Variants in INPPL1 observed in about 807,000 individuals in gnomAD.
INPPL1 encodes the protein phosphatidylinositol 3,4,5-trisphosphate 5-phosphatase 2.
Under a neutral mutation model 139.3 loss-of-function variants are expected in INPPL1, and 91 were observed. That is an observed-to-expected ratio of 0.65 (90% CI 0.55 to 0.78). The LOEUF is 0.78. Ranked by LOEUF, INPPL1 falls within the 30% of genes least tolerant of loss-of-function variation. INPPL1 has a pLI of 0.00. For synonymous variants in INPPL1, 719 were observed against 686.6 expected, an observed-to-expected ratio of 1.05 and a Z score of -0.74; for missense variants, 1,411 against 1,665.6, an observed-to-expected ratio of 0.85 and a Z score of 2.66.
chr11:72,229,641 G>C, intron 6 of INPPL1, 22 bp from the exon 7 acceptor site: 1 of 1,613,462 alleles, frequency 6.2e-7, no homozygotes, highest in Non-Finnish European at 8.5e-7. Flanking sequence ...TCATGTACAA[G>C]CCTGGTTCTT....
Position 72,228,668 on chromosome 11 carries a change from C to A in INPPL1, c.398-59C>A. ...GAAGTCACTTTACAGCTGCATCGTG[C>A]CTCCTACTCCACTGAGTGTGGGAGG... On this transcript the variant is annotated intron_variant, in intron 3 of 27. Coordinates refer to ENST00000298229, the MANE Select transcript of INPPL1 (RefSeq NM_001567.4). This position sits in a 1 kb window ranked among gnomAD's most constrained non-coding sequence, Gnocchi z 5.0. The A allele has an allele frequency of 6.3e-7, 1 of 1,579,692 alleles. No individual in the cohort carries two copies. The highest frequency in any genetic ancestry group is 8.6e-7 in the Non-Finnish European group (1 of 1,160,770).
chr11:72,237,443 C>G lies in INPPL1; in HGVS notation c.3199C>G (p.Pro1067Ala), dbSNP rs772941677. ...PLPDSAIFLP[P>A]SLDPLPGPVV... Reference sequence around the variant, plus strand: ...GCCGGACTCAGCCATCTTCCTGCCCCCCAGCCTGGATCCTTTACCAGGGCC... The same window carrying G: ...GCCGGACTCAGCCATCTTCCTGCCCGCCAGCCTGGATCCTTTACCAGGGCC... Residue 1067 changes from proline (P) to alanine (A), a missense_variant, in exon 26 of 28, where the codon CCC becomes GCC. This residue lies in a region of INPPL1 where 438 missense variants were observed against 425.7 expected (regional missense o/e 1.03). Coordinates refer to ENST00000298229, the MANE Select transcript of INPPL1 (RefSeq NM_001567.4). The G allele has an allele frequency of 1.2e-6, 2 of 1,610,632 alleles. No individual in the cohort carries two copies. Among genetic ancestry groups the G allele is most frequent in the Non-Finnish European group, 8.5e-7 (1 of 1,177,836 alleles).
intron 1 of INPPL1, chr11:72,227,971 GGAGA>G: frequency 5.4e-5 from 27 of 502,624 alleles, no homozygotes; most frequent in South Asian, 1.7e-4. Context: ...GGTCTGGTGG[GGAGA>G]CGGGGGTGTT....
chr11:72,228,797 C>A lies in INPPL1; in HGVS notation c.468C>A (p.Pro156=). 1 of 1,612,920 alleles carries A rather than the reference C, an allele frequency of 6.2e-7. No homozygotes were observed. Among genetic ancestry groups the A allele is most frequent in the Non-Finnish European group, 8.5e-7 (1 of 1,179,428 alleles). ...GSTSISAPTG[P]SSPLPAPETP... is the part of the protein sequence containing the mutation. ...CCAGCATTTCTGCCCCCACTGGGCC[C>A]AGCAGTCCCCTGCCAGCTCCTGAGA... Residue 156 remains proline (P), a synonymous_variant, in exon 4 of 28, where the codon CCC becomes CCA. Coordinates refer to ENST00000298229, the MANE Select transcript of INPPL1 (RefSeq NM_001567.4). The surrounding 1 kb of genome is among the most constrained non-coding windows in gnomAD (Gnocchi z 5.0).
intron 5 of INPPL1, 21 bp downstream of exon 5, chr11:72,229,251 C>A (rs1190982216): frequency 6.3e-7 from 1 of 1,592,370 alleles, no homozygotes; most frequent in Admixed American, 1.7e-5. Context: ...CATCCAGCCC[C>A]ATGTATTACA....
In INPPL1 at chr11:72,228,707, C is replaced by G. The variant is rs1274963837; in HGVS notation, c.398-20C>G. 5 of 1,606,470 alleles carry G rather than the reference C, an allele frequency of 3.1e-6. No individual in the cohort carries two copies. In the African/African-American group the frequency reaches 6.7e-5, roughly 21 times the overall value. ...GAGTGTGGGAGGCCCAAACGGCTGC[C>G]CACTGACCCCTGCCCACAGATGGGG... On this transcript the variant is annotated intron_variant, in intron 3 of 27. Transcript: ENST00000298229. The surrounding 1 kb of genome is among the most constrained non-coding windows in gnomAD (Gnocchi z 5.0).
chr11:72,233,378 G>A, intron 17 of INPPL1, 63 bp from the exon 18 acceptor site: 1 of 1,403,980 alleles, frequency 7.1e-7, no homozygotes, highest in Non-Finnish European at 1.0e-6. Context: ...GCTCTGGAGT[G>A]GGGTCCATGC....
Position 72,233,683 on chromosome 11 carries a change from C to T in INPPL1, c.2151C>T (p.Asp717=). 1 of 1,614,172 alleles carries T rather than the reference C, an allele frequency of 6.2e-7. No individual in the cohort carries two copies. Among genetic ancestry groups the T allele is most frequent in the Middle Eastern group, 1.6e-4 (1 of 6,062 alleles). ...GCACTGATGACATCGTCACCAGCGA[C>T]CATTCCCCCGTGTTTGGGACATTTG... is the stretch of plus-strand genomic sequence containing the variant. ...YGCTDDIVTS[D]HSPVFGTFEV... is the part of the protein sequence containing the mutation. Residue 717 remains aspartate (D), a synonymous_variant, in exon 19 of 28, where the codon GAC becomes GAT. Transcript: ENST00000298229.
Position 72,233,723 on chromosome 11 carries a change from T to A in INPPL1, c.2191T>A (p.Ser731Thr). 1 of 1,614,026 alleles carries A rather than the reference T, an allele frequency of 6.2e-7. No individual in the cohort carries two copies. The highest frequency in any genetic ancestry group is 8.5e-7 in the Non-Finnish European group (1 of 1,179,902). The change falls in exon 19 of 28, where the codon TCC becomes ACC. Residue 731 changes from serine to threonine, a missense_variant. Physicochemically the swap from Ser to Thr is moderately conservative, Grantham distance 58. This residue lies in a region of INPPL1 where 363 missense variants were observed against 446.2 expected (regional missense o/e 0.81). Transcript: ENST00000298229. ...TGGGACATTTGAGGTTGGAGTTACCTCCCAGTTCATCTCCAAGAAAGGTGA... is the reference window on the plus strand; with the variant it reads ...TGGGACATTTGAGGTTGGAGTTACCACCCAGTTCATCTCCAAGAAAGGTGA... Reference protein sequence around the residue: ...VFGTFEVGVTSQFISKKGLSK... With the variant: ...VFGTFEVGVTTQFISKKGLSK...
chr11:72,231,453 C>T (rs1480325949), intron 12 of INPPL1, 45 bp from the exon 13 acceptor site: 1 of 1,399,374 alleles, frequency 7.1e-7, no homozygotes, highest in East Asian at 2.3e-5. Context: ...GAAATGCAGG[C>T]AGTGGGTGCA....
chr11:72,230,141 G>A lies in INPPL1; in HGVS notation c.960G>A (p.Leu320=). The stretch of plus-strand genomic sequence containing the variant: ...TACAGGTGAAGCTAGATGTGACCCT[G>A]GGTGACCTGACCAAGATTGGGAAGT... ...QAFEVKLDVT[L]GDLTKIGKSQ... is the part of the protein sequence containing the mutation. Residue 320 remains leucine (L), a synonymous_variant, in exon 9 of 28, where the codon CTG becomes CTA. Coordinates refer to ENST00000298229, the MANE Select transcript of INPPL1 (RefSeq NM_001567.4). 6.2e-7 allele frequency: 1 copy of A among 1,610,076 alleles called. No individual in the cohort carries two copies. The highest frequency in any genetic ancestry group is 2.2e-5 in the East Asian group (1 of 44,790).
rs1429499727 is a variant in INPPL1, at chr11:72,233,430, C to T, written c.2041-11C>T. The T allele has an allele frequency of 6.2e-7, 1 of 1,613,442 alleles. No homozygotes were observed. The highest frequency in any genetic ancestry group is 8.5e-7 in the Non-Finnish European group (1 of 1,179,474). ...TGTCAGCTCTAACCATGCTGCCATC[C>T]CCTGCCCCAGGTCCGGACCAATGTG... On this transcript the variant is annotated splice_polypyrimidine_tract_variant and intron_variant, in intron 17 of 27. Coordinates refer to ENST00000298229, the MANE Select transcript of INPPL1 (RefSeq NM_001567.4).
chr11:72,224,546 T>G, upstream of INPPL1, among the ~76,000 whole-genome samples: 1 of 116,684 alleles, frequency 8.6e-6, no homozygotes. Flanking sequence ...CGGATTTCGA[T>G]GGGGATTTGG....
rs1948963514 is a variant in INPPL1, at chr11:72,235,562, C to G, written c.2659+111C>G. The G allele has an allele frequency of 1.9e-6, 3 of 1,559,086 alleles. No homozygotes were observed. In the South Asian group the frequency reaches 3.5e-5, roughly 18 times the overall value. On this transcript the variant is annotated intron_variant, in intron 23 of 27. Transcript: ENST00000298229. The surrounding 1 kb of genome is among the most constrained non-coding windows in gnomAD (Gnocchi z 4.9). ...ATACCTGGAGGTTCTGCAGCCACAG[C>G]TGGGAATAGTCCTGCCCCAAGGCAT...
chr11:72,237,095 T>C (rs1383956021), intron 25 of INPPL1, 29 bp from the exon 26 acceptor site: 1 of 1,543,168 alleles, frequency 6.5e-7, no homozygotes, highest in South Asian at 1.2e-5. Context: ...TCCTGGATCC[T>C]GGCTTAGTCG....
intron 12 of INPPL1, 43 bp from the exon 13 acceptor site, chr11:72,231,455 G>T (rs761487933): frequency 7.0e-7 from 1 of 1,434,618 alleles, no homozygotes; most frequent in East Asian, 2.3e-5. Flanking sequence ...AATGCAGGCA[G>T]TGGGTGCAGC....
chr11:72,224,445 T>A (rs1302714129), upstream of INPPL1, among the ~76,000 whole-genome samples: 1 of 151,156 alleles, frequency 6.6e-6, no homozygotes, highest in Non-Finnish European at 1.5e-5. Context: ...TTTATGGGGC[T>A]TAGGGGTCAT....
Position 72,231,060 on chromosome 11 carries a change from C to T in INPPL1, c.1368C>T (p.Asp456=), listed in dbSNP as rs17162091. ...CGAAGGGTCTGGGGAAGACCCTGGA[C>T]GAGGTCACAGTGACCATACCCCATG... ...FTSKGLGKTL[D]EVTVTIPHDI... is the part of the protein sequence containing the mutation. The change falls in exon 12 of 28, where the codon GAC becomes GAT. Residue 456 remains aspartate (D), a synonymous_variant. Coordinates refer to ENST00000298229, the MANE Select transcript of INPPL1 (RefSeq NM_001567.4). The T allele has an allele frequency of 0.017, 27,722 of 1,614,096 alleles. 336 individuals are homozygous for T. The highest frequency in any genetic ancestry group is 0.056 in the East Asian group (2,498 of 44,874).
chr11:72,229,854 TC>T, intron 7 of INPPL1, 69 bp from the exon 8 acceptor site: 1 of 1,560,734 alleles, frequency 6.4e-7, no homozygotes. Flanking sequence ...GGCCCCAAGG[TC>T]AATTGTGTCC....
Sources: allele counts gnomAD v4.1 joint callset (sites outside exome capture counted in the v4.1 genomes callset), GRCh38; gene constraint gnomAD v4.1.1; regional missense constraint gnomAD v4.1.1; non-coding constraint Gnocchi (gnomAD v3.1); transcripts MANE v1.5; gene names NCBI Gene and HGNC (gene_info 2026-07-23, HGNC 2026-07-21).